WNT7B: variants seen among roughly 807,000 people sequenced by gnomAD.
WNT7B encodes the protein protein Wnt-7b.
Under a neutral mutation model 38.2 loss-of-function variants are expected in WNT7B, and 19 were observed. That is an observed-to-expected ratio of 0.50 (90% CI 0.35 to 0.73). WNT7B has a LOEUF of 0.73. Ranked by LOEUF, WNT7B falls within the 30% of genes least tolerant of loss-of-function variation. The probability of loss-of-function intolerance (pLI) is 0.01; values close to 1 mark genes in which losing one functional copy is unlikely to be tolerated. For synonymous variants in WNT7B, 243 were observed against 209.3 expected (o/e 1.16, Z -1.39); for missense variants, 423 against 507.9 (o/e 0.83, Z 1.61).
intron 1 of WNT7B, among the ~76,000 whole-genome samples, chr22:45,974,826 A>C (rs1454230219): frequency 6.6e-6 from 1 of 152,154 alleles, no homozygotes; most frequent in African/African-American, 2.4e-5. Context: ...CATCCTGTTC[A>C]GGATGGCCAG....
At chr22:45,935,680 A>G (rs1309013493) in intron 2 of WNT7B, among the ~76,000 whole-genome samples, 1 of 151,968 alleles carries the variant, frequency 6.6e-6, no homozygotes, top group Non-Finnish European at 1.5e-5. Context: ...TGTTTCCCAA[A>G]TCCCATGCAT....
rs1434832975 is a variant in WNT7B, at chr22:45,977,078, G to C, written c.-324C>G. ...TGGCGGGCGGGTGCAGCCTGCACTA[G>C]GCGCAGCCGCCTGAGGCCGTGAGCG... On this transcript the variant is annotated 5_prime_UTR_variant, in exon 1 of 4. Transcript: ENST00000339464. 1 of 947,260 alleles carries C rather than the reference G, an allele frequency of 1.1e-6. No individual in the cohort carries two copies. The highest frequency in any genetic ancestry group is 1.2e-4 in the East Asian group (1 of 8,614). 58.7% of individuals were successfully genotyped at this position (947,260 alleles called of 1,614,324 possible).
At chr22:45,925,588 T>A (rs1365670128) in intron 3 of WNT7B, 1 of 985,014 alleles carries the variant, frequency 1.0e-6, no homozygotes. Flanking sequence ...CCCTCTCCCA[T>A]CCTGTCCATC....
chr22:45,928,581 C>T (rs1369764307), intron 3 of WNT7B, among the ~76,000 whole-genome samples: 1 of 152,042 alleles, frequency 6.6e-6, no homozygotes, highest in Non-Finnish European at 1.5e-5. Flanking sequence ...TCCTCTTTGT[C>T]TCCTGCCCAC....
intron 1 of WNT7B, chr22:45,972,298 T>G: frequency 1.8e-6 from 1 of 544,132 alleles, no homozygotes. Flanking sequence ...CTGGGCCAGC[T>G]GAGGCCGGGG....
At chr22:45,948,913 C>T (rs1347025274) in intron 2 of WNT7B, among the ~76,000 whole-genome samples, 2 of 145,246 alleles carry the variant, frequency 1.4e-5, no homozygotes, top group Non-Finnish European at 3.0e-5. Flanking sequence ...GGTGCCATCT[C>T]GGCTCACTGC....
intron 2 of WNT7B, among the ~76,000 whole-genome samples, chr22:45,938,863 A>G (rs1441032706): frequency 6.6e-6 from 1 of 152,264 alleles, no homozygotes; most frequent in Non-Finnish European, 1.5e-5. Flanking sequence ...ATGTATCAAC[A>G]TATCACATGG....
chr22:45,952,702 T>C (rs1320185335), intron 1 of WNT7B, among the ~76,000 whole-genome samples: 1 of 152,200 alleles, frequency 6.6e-6, no homozygotes, highest in South Asian at 2.1e-4. Flanking sequence ...GGGACCCTGA[T>C]GGGACTTAGT....
At chr22:45,925,768 T>A (rs927732434) in intron 3 of WNT7B, 19 of 985,288 alleles carry the variant, frequency 1.9e-5, no homozygotes, top group Non-Finnish European at 2.3e-5. Flanking sequence ...TGGTGGCCCC[T>A]CTCGGAGTTC....
chr22:45,926,698 CTAAG>C (rs58435862), intron 3 of WNT7B: 152,724 of 985,136 alleles, frequency 0.16, 11,888 homozygotes, highest in East Asian at 0.21. Context: ...GTCCCTGCCC[CTAAG>C]TAAGTGTGGC....
intron 1 of WNT7B, among the ~76,000 whole-genome samples, chr22:45,964,146 C>G (rs1932258728): frequency 6.6e-6 from 1 of 152,068 alleles, no homozygotes; most frequent in African/African-American, 2.4e-5. Flanking sequence ...TCCCTGTGTA[C>G]TCTGGACTAC....
In WNT7B at chr22:45,926,950, A is replaced by T. The variant is rs889981645; in HGVS notation, c.571-3615T>A. On this transcript the variant is annotated intron_variant, in intron 3 of 3. Coordinates refer to ENST00000339464, the MANE Select transcript of WNT7B (RefSeq NM_058238.3). The stretch of plus-strand genomic sequence containing the variant: ...TCAGTCAGGGAAGGGCTGTGCCAAG[A>T]CGTGGGACATGGCCAGCTAAGGGGG... 4.1e-6 allele frequency: 4 copies of T among 985,282 alleles called. No homozygotes were observed. In the African/African-American group the frequency reaches 7.0e-5, roughly 17 times the overall value. 61.0% of individuals were successfully genotyped at this position (985,282 alleles called of 1,614,324 possible).
chr22:45,925,279 C>A, intron 3 of WNT7B: 1 of 985,320 alleles, frequency 1.0e-6, no homozygotes, highest in South Asian at 4.7e-5. Context: ...GCCGGGTGGG[C>A]CCTAGGCTGG....
In WNT7B at chr22:45,976,584, G is replaced by A. The variant is rs1932556336; in HGVS notation, c.71+100C>T. 1 of 1,297,386 alleles carries A rather than the reference G, an allele frequency of 7.7e-7. No homozygotes were observed. The highest frequency in any genetic ancestry group is 1.1e-6 in the Non-Finnish European group (1 of 924,042). 80.4% of individuals were successfully genotyped at this position (1,297,386 alleles called of 1,614,324 possible). On this transcript the variant is annotated intron_variant, in intron 1 of 3. Coordinates refer to ENST00000339464, the MANE Select transcript of WNT7B (RefSeq NM_058238.3). The surrounding 1 kb of genome is among the most constrained non-coding windows in gnomAD (Gnocchi z 8.5). ...GCCCCGGAGCCCAGAGAGCTGCAGT[G>A]GCCCCCTCCAGTCCCCACGTCCCCA...
chr22:45,951,889 T>C lies in WNT7B; in HGVS notation c.72-1743A>G, dbSNP rs928626209. ...GAGCCTGTTTTCAGTCTCTGGGGCA[T>C]GGACCTATGAGTTGCTGGGTCAGGT... On this transcript the variant is annotated intron_variant, in intron 1 of 3. Coordinates refer to ENST00000339464, the MANE Select transcript of WNT7B (RefSeq NM_058238.3). This position sits in a 1 kb window ranked among gnomAD's most constrained non-coding sequence, Gnocchi z 4.8. Among the ~76,000 whole-genome samples, 5 of 152,240 alleles carry C rather than the reference T, an allele frequency of 3.3e-5. No individual in the cohort carries two copies. The highest frequency in any genetic ancestry group is 2.1e-4 in the South Asian group (1 of 4,834).
intron 3 of WNT7B, among the ~76,000 whole-genome samples, chr22:45,930,665 G>A (rs530725386): frequency 6.6e-6 from 1 of 152,292 alleles, no homozygotes; most frequent in Non-Finnish European, 1.5e-5. Context: ...CTGCCTCCTG[G>A]GGGCATCCCT....
At chr22:45,929,793 CACTCAACCATCT>C (rs1031149878) in intron 3 of WNT7B, among the ~76,000 whole-genome samples, 60 of 151,828 alleles carry the variant, frequency 4.0e-4, no homozygotes, top group African/African-American at 1.4e-3. Flanking sequence ...CCCACCGATC[CACTCAACCATCT>C]ACCCATCCAT....
chr22:45,925,805 C>T (rs999532313), intron 3 of WNT7B: 13 of 985,304 alleles, frequency 1.3e-5, no homozygotes, highest in Admixed American at 6.1e-5. Flanking sequence ...CACCCCACCC[C>T]GGGCTGCTCA....
chr22:45,950,748 C>G (rs564704095), intron 1 of WNT7B, among the ~76,000 whole-genome samples: 1 of 152,360 alleles, frequency 6.6e-6, no homozygotes, highest in South Asian at 2.1e-4. Context: ...GTATAAAACA[C>G]CCATCCCCCA....
Sources: allele counts gnomAD v4.1 joint callset (sites outside exome capture counted in the v4.1 genomes callset), GRCh38; gene constraint gnomAD v4.1.1; non-coding constraint Gnocchi (gnomAD v3.1); transcripts MANE v1.5; gene names NCBI Gene and HGNC (gene_info 2026-07-23, HGNC 2026-07-21).